Variants in PINK1 observed in about 807,000 individuals in gnomAD.
PINK1 encodes serine/threonine-protein kinase PINK1, mitochondrial.
A neutral mutation model predicts 56.0 loss-of-function variants in PINK1; 58 were observed. The ratio of observed to expected loss-of-function variants is 1.04; its 90% CI spans 0.84 to 1.29. PINK1 has a LOEUF of 1.29. Ranked by LOEUF, PINK1 falls within the 50% of genes most tolerant of loss-of-function variation. PINK1 has a pLI of 0.00. For missense variants in PINK1, 745 were observed against 777.9 expected (o/e 0.96, Z 0.50); for synonymous variants, 354 against 339.3 (o/e 1.04, Z -0.48).
intron 3 of PINK1, among the ~76,000 whole-genome samples, chr1:20,643,331 T>G (rs2053136902): frequency 6.6e-6 from 1 of 152,216 alleles, no homozygotes; most frequent in Admixed American, 6.5e-5. Flanking sequence ...TCAGCAGGGC[T>G]GTGGTTTGGG....
At chr1:20,633,956 A>G in intron 1 of PINK1, 21 bp downstream of exon 1, 1 of 1,521,424 alleles carries the variant, frequency 6.6e-7, no homozygotes, top group Non-Finnish European at 8.8e-7. Flanking sequence ...CCGGGTCCTA[A>G]GCCGAGCGGA....
At chr1:20,646,038 CTTGCTTGAGGA>C (rs1024533893) in intron 5 of PINK1, among the ~76,000 whole-genome samples, 2 of 151,998 alleles carry the variant, frequency 1.3e-5, no homozygotes, top group African/African-American at 2.4e-5. Flanking sequence ...CTTTGGGAGG[CTTGCTTGAGGA>C]TTGCTTGAGG....
chr1:20,650,679 G>A lies in PINK1; in HGVS notation c.1734G>A (p.Arg578=). 6.8e-6 allele frequency: 11 copies of A among 1,613,776 alleles called. No homozygotes were observed. Among genetic ancestry groups the A allele is most frequent in the Non-Finnish European group, 9.3e-6 (11 of 1,180,016 alleles). Reference sequence around the variant, plus strand: ...CAGCCCTCCTCCTCTGCTCATGGAGGGCAGCCCTGTGATGTCCCTGCATGG... The same window carrying A: ...CAGCCCTCCTCCTCTGCTCATGGAGAGCAGCCCTGTGATGTCCCTGCATGG... ...CQAALLLCSW[R]AAL Residue 578 remains arginine, a synonymous_variant, in exon 8 of 8, where the codon AGG becomes AGA. Transcript: ENST00000321556.
intron 2 of PINK1, chr1:20,639,580 G>A: frequency 4.7e-6 from 2 of 422,804 alleles, no homozygotes; most frequent in Non-Finnish European, 9.0e-6. Context: ...AACTGGTGGG[G>A]ACCAGAGGCA....
chr1:20,637,973 C>T lies in PINK1; in HGVS notation c.519C>T (p.Ala173=). 6.2e-7 allele frequency: 1 copy of T among 1,614,164 alleles called. No homozygotes were observed. Among genetic ancestry groups the T allele is most frequent in the Middle Eastern group, 1.6e-4 (1 of 6,062 alleles). Residue 173 remains alanine, a synonymous_variant, in exon 2 of 8, where the codon GCC becomes GCT. Coordinates refer to ENST00000321556, the MANE Select transcript of PINK1 (RefSeq NM_032409.3). The part of the protein sequence containing the change: ...GKGCSAAVYE[A]TMPTLPQNLE... ...GCTGCAGTGCTGCTGTGTATGAAGC[C>T]ACCATGCCTACATTGCCCCAGAACC...
At chr1:20,647,053 ATTTTTTTTT>A (rs71585775) in intron 5 of PINK1, among the ~76,000 whole-genome samples, 5 of 91,436 alleles carry the variant, frequency 5.5e-5, no homozygotes, top group African/African-American at 2.1e-4. Context: ...CTAATTTTTG[ATTTTTTTTT>A]TTTTTTTTTT....
Position 20,633,904 on chromosome 1 carries a change from G to A in PINK1, c.356G>A (p.Arg119Gln), listed in dbSNP as rs1465983168. ...ATCGAGGAAAAACAGGCGGAGAGCC[G>A]GCGGGCGGTCTCGGCCTGTCAGGAG... The part of the protein sequence containing the change: ...GLIEEKQAES[R>Q]RAVSACQEIQ... The change falls in exon 1 of 8, where the codon CGG (arginine) becomes CAG (glutamine). Residue 119 changes from arginine to glutamine, a missense_variant. Arg to Gln is a conservative substitution (Grantham distance 43). Coordinates refer to ENST00000321556, the MANE Select transcript of PINK1 (RefSeq NM_032409.3). 4.3e-5 allele frequency: 68 copies of A among 1,584,590 alleles called. No individual in the cohort carries two copies. The highest frequency in any genetic ancestry group is 1.8e-4 in the Middle Eastern group (1 of 5,522).
chr1:20,646,085 A>C (rs1010280768), intron 5 of PINK1, among the ~76,000 whole-genome samples: 1 of 152,080 alleles, frequency 6.6e-6, no homozygotes, highest in Non-Finnish European at 1.5e-5. Flanking sequence ...CAGCCTGGGA[A>C]ACAGAGTGAG....
chr1:20,649,420 A>G (rs2053236022), intron 7 of PINK1, 189 bp downstream of exon 7: 11 of 618,718 alleles, frequency 1.8e-5, no homozygotes, highest in Non-Finnish European at 3.1e-5. Flanking sequence ...CCACCACAGC[A>G]TAGTCAGAAT....
rs2053114006 is a variant in PINK1 at position 20,641,328 on chromosome 1, C to T, written c.776+1336C>T. 6.6e-6 allele frequency among the ~76,000 whole-genome samples: 1 copy of T among 152,032 alleles called. No individual in the cohort carries two copies. Among genetic ancestry groups the T allele is most frequent in the Non-Finnish European group, 1.5e-5 (1 of 68,004 alleles). ...TTTGGGGCTAACATGATCCTTGATG[C>T]CTCCTTTTGTGGCATGAGTGGCAGC... On this transcript the variant is annotated intron_variant, in intron 3 of 7. Transcript: ENST00000321556. The surrounding 1 kb of genome is among the most constrained non-coding windows in gnomAD (Gnocchi z 4.0).
rs571345366 is a variant in PINK1, at chr1:20,642,176, G to A, written c.776+2184G>A. Among the ~76,000 whole-genome samples, 12 of 152,302 alleles carry A rather than the reference G, an allele frequency of 7.9e-5. No individual in the cohort carries two copies. The East Asian group carries it at 9.6e-4, about 12-fold the overall frequency. On this transcript the variant is annotated intron_variant, in intron 3 of 7. Transcript: ENST00000321556. ...GGTGCCCTGCTCTCTCCCCAGCACCGTCTAGGCTCTGCCCCATTCGCTTCC... is the reference window on the plus strand; with the variant it reads ...GGTGCCCTGCTCTCTCCCCAGCACCATCTAGGCTCTGCCCCATTCGCTTCC...
chr1:20,649,347 G>C (rs2053235329), intron 7 of PINK1, 116 bp downstream of exon 7: 2 of 1,096,340 alleles, frequency 1.8e-6, no homozygotes, highest in Non-Finnish European at 2.7e-6. Flanking sequence ...TGTTAGGAAG[G>C]TAAAGGCTAG....
At position 20,641,519 on chromosome 1, in the gene PINK1, G is replaced by A. The variant is rs2053115601; in HGVS notation, c.776+1527G>A. Among the ~76,000 whole-genome samples the A allele has an allele frequency of 6.6e-6, 1 of 152,032 alleles. No individual in the cohort carries two copies. The highest frequency in any genetic ancestry group is 1.5e-5 in the Non-Finnish European group (1 of 68,014). The stretch of plus-strand genomic sequence containing the variant: ...TTTCTGTTGGTTCCTTTTTGCTCCA[G>A]CTGTACTGTAAACACTCTTTGTTTA... On this transcript the variant is annotated intron_variant, in intron 3 of 7. Transcript: ENST00000321556. This position sits in a 1 kb window ranked among gnomAD's most constrained non-coding sequence, Gnocchi z 4.0.
intron 3 of PINK1, among the ~76,000 whole-genome samples, 194 bp from the exon 4 acceptor site, chr1:20,644,296 G>A (rs1432645021): frequency 1.3e-5 from 2 of 152,188 alleles, no homozygotes; most frequent in East Asian, 3.8e-4. Flanking sequence ...ATGGATTGAA[G>A]GATGGGTAGG....
At chr1:20,635,212 AT>A (rs1008924874) in intron 1 of PINK1, among the ~76,000 whole-genome samples, 13 of 152,128 alleles carry the variant, frequency 8.5e-5, no homozygotes, top group African/African-American at 3.1e-4. Flanking sequence ...CATTAAAAAA[AT>A]TTTTTTTGGT....
intron 5 of PINK1, among the ~76,000 whole-genome samples, chr1:20,646,788 G>A (rs1412224812): frequency 2.0e-5 from 3 of 152,122 alleles, no homozygotes. Flanking sequence ...ATTGTAAGGA[G>A]ATTCATACAT....
chr1:20,642,018 G>A (rs1259829702), intron 3 of PINK1, among the ~76,000 whole-genome samples: 1 of 152,176 alleles, frequency 6.6e-6, no homozygotes, highest in Non-Finnish European at 1.5e-5. Flanking sequence ...GCCCGAGGGT[G>A]GAAACGATGC....
intron 4 of PINK1, among the ~76,000 whole-genome samples, chr1:20,645,227 G>C (rs1033401309): frequency 1.3e-5 from 2 of 152,104 alleles, no homozygotes; most frequent in African/African-American, 4.8e-5. Context: ...GGTGGCTGAC[G>C]CCTGTAATCC....
rs535810141 is a variant in PINK1, at chr1:20,650,121, G to A, written c.1489-313G>A. The A allele has an allele frequency of 9.2e-6, 4 of 435,750 alleles. No homozygotes were observed. In the East Asian group the frequency reaches 1.9e-4, roughly 21 times the overall value. The allele number at this position is 435,750 out of a possible 1,614,324, so 27.0% of individuals were successfully genotyped here. ...CAACAGCTGCAACCAGTTATGAAAT[G>A]ATAGAGGAGACTACTTACCTGGTTC... is the stretch of plus-strand genomic sequence containing the variant. On this transcript the variant is annotated intron_variant, in intron 7 of 7. Transcript: ENST00000321556.
Sources: allele counts gnomAD v4.1 joint callset (sites outside exome capture counted in the v4.1 genomes callset), GRCh38; gene constraint gnomAD v4.1.1; non-coding constraint Gnocchi (gnomAD v3.1); transcripts MANE v1.5; gene names NCBI Gene and HGNC (gene_info 2026-07-23, HGNC 2026-07-21).